The following EMSY variants were observed in gnomAD, a reference collection of about 807,000 sequenced individuals.
EMSY encodes the protein BRCA2-interacting transcriptional repressor EMSY.
EMSY carries 26 observed loss-of-function variants against 134.6 expected under a neutral mutation model. The ratio of observed to expected loss-of-function variants is 0.19; its 90% confidence interval spans 0.14 to 0.27. EMSY has a LOEUF of 0.27. Among genes scored for constraint, EMSY ranks in the 10% least tolerant of loss-of-function variants. The probability of loss-of-function intolerance (pLI) is 1.00; values close to 1 mark genes in which losing one functional copy is unlikely to be tolerated. For missense variants in EMSY, 1,305 were observed against 1,611.4 expected (o/e 0.81, Z 3.26); for synonymous variants, 579 against 577.8 (o/e 1.00, Z -0.03).
intron 10 of EMSY, 126 bp downstream of exon 11, chr11:76,513,661 C>T (rs1304012526): frequency 7.2e-6 from 7 of 977,258 alleles, no homozygotes; most frequent in Non-Finnish European, 1.0e-5. Flanking sequence ...AGAGGCCTTT[C>T]TTGATTCTCA....
At chr11:76,488,541 T>G (rs1424837883) in intron 8 of EMSY, among the ~76,000 whole-genome samples, 2 of 152,100 alleles carry the variant, frequency 1.3e-5, no homozygotes, top group African/African-American at 2.4e-5. Context: ...TTTTGTTTTT[T>G]TTTTTATTTT....
At chr11:76,481,285 C>T (rs10899224) in intron 8 of EMSY, among the ~76,000 whole-genome samples, 60,748 of 151,684 alleles carry the variant, frequency 0.4, 12,527 homozygotes, top group South Asian at 0.51. Flanking sequence ...CCTTATGATC[C>T]GCCCACCTTG....
At chr11:76,459,108 A>G (rs1044818363) in intron 5 of EMSY, 4 of 152,234 alleles carry the variant, frequency 2.6e-5, no homozygotes, top group African/African-American at 4.8e-5. Flanking sequence ...AAGACAGTGT[A>G]TAAACTTGGC....
intron 7 of EMSY, 143 bp from the exon 9 acceptor site, chr11:76,472,421 A>T: frequency 1.3e-6 from 1 of 762,956 alleles, no homozygotes; most frequent in Non-Finnish European, 2.0e-6. Context: ...GAAAATTTTA[A>T]TATATTTTTA....
At chr11:76,498,149 A>G (rs190012172) in intron 9 of EMSY, among the ~76,000 whole-genome samples, 199 of 152,120 alleles carry the variant, frequency 1.3e-3, no homozygotes, top group South Asian at 4.6e-3. Flanking sequence ...TTGTTTTGCT[A>G]TTGATTTCTA....
Position 76,516,122 on chromosome 11 carries a change from T to C in EMSY, c.1514-20T>C, listed in dbSNP as rs1950441605. On this transcript the variant is annotated intron_variant, in intron 10 of 20. Transcript: ENST00000334736. Reference sequence around the variant, plus strand: ...TGTAAGCAATGACAAGTTTTTCTTTTGGCTTTTCCCTTTCTGTAGGCACAC... The same window carrying C: ...TGTAAGCAATGACAAGTTTTTCTTTCGGCTTTTCCCTTTCTGTAGGCACAC... 6.3e-7 allele frequency: 1 copy of C among 1,598,190 alleles called. No individual in the cohort carries two copies. The highest frequency in any genetic ancestry group is 1.3e-5 in the African/African-American group (1 of 74,352).
intron 1 of EMSY, 78 bp from the exon 2 acceptor site, chr11:76,446,822 A>T: frequency 1.2e-6 from 1 of 843,250 alleles, no homozygotes; most frequent in Non-Finnish European, 1.9e-6. Context: ...TTAGCCTGTG[A>T]CTGGATCTCC....
intron 9 of EMSY, among the ~76,000 whole-genome samples, chr11:76,500,453 T>C (rs751910504): frequency 6.6e-6 from 1 of 152,256 alleles, no homozygotes; most frequent in Non-Finnish European, 1.5e-5. Context: ...ATGGATGTAA[T>C]GAACATATAG....
intron 9 of EMSY, chr11:76,496,985 A>G (rs1273856792): frequency 5.3e-6 from 1 of 189,704 alleles, no homozygotes; most frequent in African/African-American, 2.4e-5. Flanking sequence ...TTAAGGAGAA[A>G]ACATTCAGTT....
intron 8 of EMSY, among the ~76,000 whole-genome samples, chr11:76,477,611 A>G (rs1242923883): frequency 6.6e-6 from 1 of 152,120 alleles, no homozygotes; most frequent in African/African-American, 2.4e-5. Context: ...GGTGGTTATA[A>G]GTCTGGTGCT....
At chr11:76,456,575 A>G (rs766337577) in intron 4 of EMSY, among the ~76,000 whole-genome samples, 4 of 152,168 alleles carry the variant, frequency 2.6e-5, no homozygotes, top group Non-Finnish European at 4.4e-5. Context: ...TCCTCTAACA[A>G]TGAGCTTTTC....
At chr11:76,521,094 A>G (rs1950622427) in intron 11 of EMSY, among the ~76,000 whole-genome samples, 1 of 152,232 alleles carries the variant, frequency 6.6e-6, no homozygotes, top group African/African-American at 2.4e-5. Context: ...TTAAGGTCTG[A>G]CAAAGCCTGG....
downstream of EMSY, chr11:76,551,550 A>C (rs1396031013): frequency 1.3e-5 from 2 of 152,696 alleles, no homozygotes; most frequent in Non-Finnish European, 2.9e-5. Context: ...GTGACACTGA[A>C]GATTTAAACA....
At chr11:76,502,526 T>TTATTAAAA (rs962942590) in intron 9 of EMSY, among the ~76,000 whole-genome samples, 20 of 147,480 alleles carry the variant, frequency 1.4e-4, no homozygotes, top group African/African-American at 4.5e-4. Flanking sequence ...ATCCTTTATA[T>TTATTAAAA]TATTAAAAAA....
intron 17 of EMSY, among the ~76,000 whole-genome samples, chr11:76,541,039 T>A (rs1951420000): frequency 6.6e-6 from 1 of 152,092 alleles, no homozygotes; most frequent in Non-Finnish European, 1.5e-5. Flanking sequence ...AGCTTGGCCA[T>A]CATGGCAAAA....
chr11:76,495,708 A>C (rs1192517181), intron 8 of EMSY, among the ~76,000 whole-genome samples: 1 of 152,094 alleles, frequency 6.6e-6, no homozygotes, highest in Non-Finnish European at 1.5e-5. Flanking sequence ...CCTCTTCACC[A>C]TTCTCAGAGA....
intron 4 of EMSY, among the ~76,000 whole-genome samples, chr11:76,455,072 A>G (rs982232841): frequency 2.0e-5 from 3 of 152,126 alleles, no homozygotes; most frequent in Non-Finnish European, 4.4e-5. Flanking sequence ...GGAAGAATTT[A>G]CAAGTATTTG....
intron 8 of EMSY, among the ~76,000 whole-genome samples, chr11:76,495,677 G>A (rs948944667): frequency 6.6e-6 from 1 of 151,968 alleles, no homozygotes; most frequent in Non-Finnish European, 1.5e-5. Flanking sequence ...GACTTTTTCT[G>A]TTTTTATTAA....
intron 9 of EMSY, among the ~76,000 whole-genome samples, chr11:76,506,144 A>G (rs184361023): frequency 2.6e-5 from 4 of 152,210 alleles, no homozygotes; most frequent in African/African-American, 9.6e-5. Flanking sequence ...AAATTTAAAT[A>G]TAAAAAATAT....
Sources: allele counts gnomAD v4.1 joint callset (sites outside exome capture counted in the v4.1 genomes callset), GRCh38; gene constraint gnomAD v4.1.1; transcripts MANE v1.5; gene names NCBI Gene and HGNC (gene_info 2026-07-23, HGNC 2026-07-21).